The following GABRG1 variants were observed in gnomAD, a reference collection of about 807,000 sequenced individuals.
GABRG1 encodes the protein gamma-aminobutyric acid receptor subunit gamma-1.
A neutral mutation model predicts 49.8 loss-of-function variants in GABRG1; 49 were observed. The observed-to-expected ratio is 0.98, with a 90% CI of 0.78 to 1.25. The LOEUF (loss-of-function observed/expected upper bound fraction) is 1.25. Among genes scored for constraint, GABRG1 ranks in the 50% most tolerant of loss-of-function variants. The pLI is 0.00. For missense variants in GABRG1, 552 were observed against 552.3 expected (o/e 1.00, Z 0.01); for synonymous variants, 232 against 185.1 (o/e 1.25, Z -2.06).
intron 7 of GABRG1, among the ~76,000 whole-genome samples, chr4:46,052,911 T>C (rs1286456030): frequency 6.6e-6 from 1 of 151,902 alleles, no homozygotes; most frequent in Non-Finnish European, 1.5e-5. Context: ...TCATTTCACT[T>C]TTATCATTTC....
At position 46,124,037 on chromosome 4, in the gene GABRG1, A is replaced by C. The variant is rs28491748; in HGVS notation, c.-124T>G. 29,337 of 684,798 alleles carry C rather than the reference A, an allele frequency of 0.043. 2,501 individuals are homozygous for C. Among genetic ancestry groups the C allele is most frequent in the African/African-American group, 0.29 (16,041 of 55,636 alleles). The allele number at this position is 684,798 out of a possible 1,614,324, so 42.4% of individuals were successfully genotyped here. On this transcript the variant is annotated 5_prime_UTR_variant, in exon 1 of 9. Coordinates refer to ENST00000295452, the MANE Select transcript of GABRG1 (RefSeq NM_173536.4). The stretch of plus-strand genomic sequence containing the variant: ...TGTGGAAAGGCAGTGCACCTCCCAA[A>C]CAGGTAGGATGCGACTCCCAGCAGA...
At chr4:46,069,283 C>G (rs1230178882) in intron 3 of GABRG1, among the ~76,000 whole-genome samples, 1 of 151,980 alleles carries the variant, frequency 6.6e-6, no homozygotes, top group Non-Finnish European at 1.5e-5. Context: ...CCAAAACTGT[C>G]TAGTCACATG....
intron 1 of GABRG1, among the ~76,000 whole-genome samples, chr4:46,099,343 A>G (rs1420824422): frequency 1.3e-5 from 2 of 151,596 alleles, no homozygotes; most frequent in African/African-American, 4.8e-5. Context: ...GCCAGGTGAT[A>G]CTCAGCCATA....
chr4:46,044,475 T>G (rs1331654730), intron 8 of GABRG1, among the ~76,000 whole-genome samples: 1 of 151,866 alleles, frequency 6.6e-6, no homozygotes, highest in Admixed American at 6.6e-5. Flanking sequence ...AGTGAAACTT[T>G]GTCTTAAAAA....
At chr4:46,068,107 T>C (rs1167480699) in intron 3 of GABRG1, among the ~76,000 whole-genome samples, 1 of 152,186 alleles carries the variant, frequency 6.6e-6, no homozygotes, top group African/African-American at 2.4e-5. Context: ...TGACATGATG[T>C]CTAATTTTAA....
chr4:46,114,888 A>C (rs184681698), intron 1 of GABRG1, among the ~76,000 whole-genome samples: 2 of 151,114 alleles, frequency 1.3e-5, no homozygotes, highest in Non-Finnish European at 3.0e-5. Flanking sequence ...TAGCATATGA[A>C]ATGATTAAGC....
rs753835548 is a variant in GABRG1, at chr4:46,123,780, G to T, written c.104+30C>A. 32 of 1,504,448 alleles carry T rather than the reference G, an allele frequency of 2.1e-5. No homozygotes were observed. In the South Asian group the frequency reaches 2.9e-4, roughly 14 times the overall value. The allele number at this position is 1,504,448 out of a possible 1,614,324, so 93.2% of individuals were successfully genotyped here. ...TAAGGGGAAAGGGGTAGATAGCAAA[G>T]AATAGTTTTAAACCCCTGAATTTAC... On this transcript the variant is annotated intron_variant, in intron 1 of 8. Coordinates refer to ENST00000295452, the MANE Select transcript of GABRG1 (RefSeq NM_173536.4).
rs1577632205 is a variant in GABRG1, at chr4:46,051,221, AG to A, written c.1131+202del. The stretch of plus-strand genomic sequence containing the variant: ...GGCCATAATAAACCACTCTTTACAC[AG>A]GGGATCCAATGGGAGACATTTGAAA... On this transcript the variant is annotated intron_variant, in intron 8 of 8. Coordinates refer to ENST00000295452, the MANE Select transcript of GABRG1 (RefSeq NM_173536.4). Among the ~76,000 whole-genome samples the A allele has an allele frequency of 2.0e-5, 3 of 151,908 alleles. No individual in the cohort carries two copies. In the East Asian group the frequency reaches 5.8e-4, roughly 29 times the overall value.
rs945567567 is a variant in GABRG1 at position 46,085,417 on chromosome 4, C to T, written c.254-1364G>A. ...TAGAGCAATTGCACCCAGAATGAGA[C>T]AAAAGAATAATCATATCAGTAAGTC... On this transcript the variant is annotated intron_variant, in intron 2 of 8. Transcript: ENST00000295452. Among the ~76,000 whole-genome samples the T allele has an allele frequency of 4.6e-5, 7 of 151,490 alleles. No individual in the cohort carries two copies. In the South Asian group the frequency reaches 6.2e-4, roughly 13 times the overall value.
intron 2 of GABRG1, among the ~76,000 whole-genome samples, chr4:46,094,995 T>C (rs73144882): frequency 0.017 from 2,649 of 151,700 alleles, 80 homozygotes; most frequent in African/African-American, 0.061. Context: ...AATTTAGGAA[T>C]AAGAAAAAAT....
chr4:46,051,467 C>A lies in GABRG1; in HGVS notation c.1088G>T (p.Gly363Val). The change falls in exon 8 of 9, where the codon GGA becomes GTA. Residue 363 changes from glycine (G) to valine (V), a missense_variant. Gly to Val is a moderately radical substitution (Grantham distance 109). Transcript: ENST00000295452. ...CTTTCTGTCTTTAGTAGCAGTCTTT[C>A]CTTTTTGGTTGCTGGTAAAATAATG... is the stretch of plus-strand genomic sequence containing the variant. Reference protein sequence around the residue: ...TLHYFTSNQKGKTATKDRKLK... With the variant: ...TLHYFTSNQKVKTATKDRKLK... 1 of 1,610,530 alleles carries A rather than the reference C, an allele frequency of 6.2e-7. No individual in the cohort carries two copies. The highest frequency in any genetic ancestry group is 8.5e-7 in the Non-Finnish European group (1 of 1,178,136).
At chr4:46,104,526 A>G (rs1720474615) in intron 1 of GABRG1, among the ~76,000 whole-genome samples, 1 of 151,540 alleles carries the variant, frequency 6.6e-6, no homozygotes, top group Admixed American at 6.6e-5. Context: ...ATAATACATT[A>G]TTACGTGTAG....
chr4:46,050,042 C>T (rs183371362), intron 8 of GABRG1, among the ~76,000 whole-genome samples: 34 of 151,644 alleles, frequency 2.2e-4, no homozygotes, highest in African/African-American at 5.1e-4. Context: ...GATAAGTAAA[C>T]GATAAAATGG....
intron 2 of GABRG1, among the ~76,000 whole-genome samples, chr4:46,084,963 T>C (rs1221387372): frequency 6.6e-6 from 1 of 151,596 alleles, no homozygotes; most frequent in East Asian, 1.9e-4. Context: ...TACAGAATGA[T>C]TTTCATGAAA....
At position 46,084,452 on chromosome 4, in the gene GABRG1, A is replaced by C. The variant is rs1231060584; in HGVS notation, c.254-399T>G. On this transcript the variant is annotated intron_variant, in intron 2 of 8. Transcript: ENST00000295452. Reference sequence around the variant, plus strand: ...AGATGTATTTATTCTTTTAATACACACACAAGTCTGGCAGGCTGAATATCT... The same window carrying C: ...AGATGTATTTATTCTTTTAATACACCCACAAGTCTGGCAGGCTGAATATCT... 2.0e-5 allele frequency among the ~76,000 whole-genome samples: 3 copies of C among 151,634 alleles called. No homozygotes were observed. The Admixed American group carries it at 2.0e-4, about 10-fold the overall frequency.
intron 1 of GABRG1, 81 bp downstream of exon 1, chr4:46,123,729 G>A: frequency 3.2e-6 from 3 of 939,050 alleles, no homozygotes; most frequent in South Asian, 2.9e-5. Flanking sequence ...TACTTAAAGT[G>A]GAATAATTTT....
At chr4:46,072,266 C>G (rs1719158595) in intron 3 of GABRG1, among the ~76,000 whole-genome samples, 2 of 152,122 alleles carry the variant, frequency 1.3e-5, no homozygotes, top group Non-Finnish European at 2.9e-5. Context: ...TAAATACATT[C>G]TGTGATGTTT....
intron 1 of GABRG1, among the ~76,000 whole-genome samples, chr4:46,099,662 T>C (rs915557810): frequency 1.3e-5 from 2 of 151,684 alleles, no homozygotes; most frequent in East Asian, 2.0e-4. Context: ...TAAACAATCT[T>C]AGCAAAATCT....
chr4:46,074,820 A>G (rs1290698557), intron 3 of GABRG1, among the ~76,000 whole-genome samples: 1 of 152,116 alleles, frequency 6.6e-6, no homozygotes, highest in African/African-American at 2.4e-5. Flanking sequence ...CAGATAATCA[A>G]TAGAACAAAT....
Sources: gnomAD v4.1 joint callset for allele counts (sites outside exome capture counted in the v4.1 genomes callset) on GRCh38, gnomAD v4.1.1 for gene constraint, MANE v1.5 for transcripts, NCBI Gene and HGNC (gene_info 2026-07-23, HGNC 2026-07-21) for gene names.